WDR91: variants seen among roughly 807,000 people sequenced by gnomAD.
WDR91 encodes WD repeat domain 91.
Under a neutral mutation model 88.4 loss-of-function variants are expected in WDR91, and 52 were observed. The ratio of observed to expected loss-of-function variants is 0.59; its 90% CI spans 0.47 to 0.74. WDR91 has a LOEUF of 0.74. Ranked by LOEUF, WDR91 falls within the 30% of genes least tolerant of loss-of-function variation. The pLI is 0.00. For synonymous variants in WDR91, 362 were observed against 389.5 expected, an observed-to-expected ratio of 0.93 and a Z score of 0.83; for missense variants, 824 against 954.5, an observed-to-expected ratio of 0.86 and a Z score of 1.80.
intron 6 of WDR91, 115 bp downstream of exon 6, chr7:135,204,153 G>T: frequency 8.2e-7 from 1 of 1,222,534 alleles, no homozygotes; most frequent in Non-Finnish European, 1.1e-6. Context: ...ACATGCCCAA[G>T]AAATCAGTCC....
At chr7:135,210,788 A>G (rs1446694676) in intron 1 of WDR91, 1 of 703,720 alleles carries the variant, frequency 1.4e-6, no homozygotes. Context: ...CATTGAAGTC[A>G]GTACACACAA....
rs775486019 is a variant in WDR91 at position 135,208,951 on chromosome 7, C to A, written c.351G>T (p.Thr117=). The A allele has an allele frequency of 7.4e-6, 12 of 1,614,136 alleles. No individual in the cohort carries two copies. Among genetic ancestry groups the A allele is most frequent in the Non-Finnish European group, 9.3e-6 (11 of 1,180,016 alleles). The change falls in exon 3 of 15, where the codon ACG becomes ACT. Residue 117 remains threonine (T), a synonymous_variant. Coordinates refer to ENST00000354475, the MANE Select transcript of WDR91 (RefSeq NM_014149.4). ...TCCACTCAGCCTGGTTCTGGAGTTC[C>A]GTGGCCTGCTTTGCAAAGAACTCCT... The part of the protein sequence containing the change: ...KAQEFFAKQA[T]ELQNQAEWKD...
intron 1 of WDR91, chr7:135,210,785 G>A (rs1831986504): frequency 7.1e-6 from 5 of 703,648 alleles, no homozygotes; most frequent in African/African-American, 7.0e-5. Flanking sequence ...TCTCATTGAA[G>A]TCAGTACACA....
chr7:135,204,573 T>A, intron 5 of WDR91, 140 bp from the exon 6 acceptor site: 1 of 851,374 alleles, frequency 1.2e-6, no homozygotes, highest in Non-Finnish European at 1.8e-6. Context: ...AAGGTGGTAT[T>A]ATCCTTGGCA....
At chr7:135,204,506 G>C (rs572623696) in intron 5 of WDR91, 73 bp from the exon 6 acceptor site, 1 of 1,532,676 alleles carries the variant, frequency 6.5e-7, no homozygotes, top group Non-Finnish European at 8.9e-7. Context: ...TAGACCTCCC[G>C]GGCTATGGAT....
In WDR91 at chr7:135,196,423, G is replaced by T; in HGVS notation, c.1051-86C>A. 7.7e-7 allele frequency: 1 copy of T among 1,302,340 alleles called. No individual in the cohort carries two copies. The highest frequency in any genetic ancestry group is 1.0e-6 in the Non-Finnish European group (1 of 982,466). The allele number at this position is 1,302,340 out of a possible 1,614,324, so 80.7% of individuals were successfully genotyped here. A position where few individuals can be genotyped will look rare whatever the true frequency, so the allele number is the denominator to read the frequency against. ...ACCGCAGGGGGTCTAGGCCTAGGCT[G>T]CAGCATTTTGCGGGGTTCTCGGTAA... On this transcript the variant is annotated intron_variant, in intron 7 of 14. Transcript: ENST00000354475. This position sits in a 1 kb window ranked among gnomAD's most constrained non-coding sequence, Gnocchi z 4.2.
rs1320869990 is a variant in WDR91, at chr7:135,186,306, C to A, written c.2089G>T (p.Asp697Tyr). The change falls in exon 15 of 15, where the codon GAT (aspartate) becomes TAT (tyrosine). Residue 697 changes from aspartate (D) to tyrosine (Y), a missense_variant. By Grantham distance (160) the Asp-to-Tyr change is radical (BLOSUM62 -3). Transcript: ENST00000354475. ...TGGVIYKLGG[D>Y]EKVLESCLSL... ...AAGCAGCTCTCCAGAACCTTCTCAT[C>A]GCCACCCAGCTGCAAGAGGACAGGA... 2 of 1,611,604 alleles carry A rather than the reference C, an allele frequency of 1.2e-6. No homozygotes were observed. Among genetic ancestry groups the A allele is most frequent in the Non-Finnish European group, 1.7e-6 (2 of 1,179,068 alleles).
At position 135,187,179 on chromosome 7, in the gene WDR91, C is replaced by T. The variant is rs756890644; in HGVS notation, c.1882-10G>A. ...TGTTCCACTGGATGAACTGCAGTCA[C>T]AGGGCACAAGCAGGGTGCTCGCAGC... On this transcript the variant is annotated splice_polypyrimidine_tract_variant and intron_variant, in intron 13 of 14. Coordinates refer to ENST00000354475, the MANE Select transcript of WDR91 (RefSeq NM_014149.4). 3.1e-6 allele frequency: 5 copies of T among 1,613,870 alleles called. No homozygotes were observed. The highest frequency in any genetic ancestry group is 3.3e-5 in the Admixed American group (2 of 60,004).
At chr7:135,187,251 C>G (rs292558) in intron 13 of WDR91, 82 bp from the exon 14 acceptor site, 1,077,434 of 1,469,212 alleles carry the variant, frequency 0.73, 397,794 homozygotes, top group Admixed American at 0.85. Context: ...ACCCACCCCA[C>G]AGCAGAGGCT....
rs192694767 is a variant in WDR91 at position 135,205,300 on chromosome 7, C to T, written c.725+628G>A. Among the ~76,000 whole-genome samples, 256 of 152,354 alleles carry T rather than the reference C, an allele frequency of 1.7e-3. 2 individuals carry two copies. Among genetic ancestry groups the T allele is most frequent in the African/African-American group, 6.1e-3 (253 of 41,574 alleles). On this transcript the variant is annotated intron_variant, in intron 5 of 14. Coordinates refer to ENST00000354475, the MANE Select transcript of WDR91 (RefSeq NM_014149.4). ...GCTCCTTCCAATGCACAAAACCTTC[C>T]CAAGACTTTACCACAGTGGTTGCGT...
At chr7:135,195,193 A>T (rs1326965797) in intron 8 of WDR91, 109 bp from the exon 9 acceptor site, 4 of 1,200,688 alleles carry the variant, frequency 3.3e-6, no homozygotes, top group Non-Finnish European at 4.6e-6. Context: ...TTAAAAAAAC[A>T]ATCCCTAGAG....
At chr7:135,207,662 C>T (rs189129406) in intron 3 of WDR91, among the ~76,000 whole-genome samples, 2 of 152,312 alleles carry the variant, frequency 1.3e-5, no homozygotes, top group Non-Finnish European at 2.9e-5. Context: ...TTGAGCCTCT[C>T]CCTGGCAAAG....
intron 10 of WDR91, 35 bp downstream of exon 10, chr7:135,193,543 G>A (rs1831251186): frequency 6.2e-7 from 1 of 1,613,256 alleles, no homozygotes; most frequent in Non-Finnish European, 8.5e-7. Flanking sequence ...TTGGCAGCCT[G>A]CGGCCTTGAT....
intron 6 of WDR91, chr7:135,201,968 T>G (rs1018100344): frequency 6.6e-6 from 1 of 152,002 alleles, no homozygotes; most frequent in South Asian, 2.1e-4. Flanking sequence ...AATCATGCCA[T>G]AGGGACAAAC....
In WDR91 at chr7:135,196,530, C is replaced by G. The variant is rs181262851; in HGVS notation, c.1051-193G>C. Among the ~76,000 whole-genome samples, 250 of 152,292 alleles carry G rather than the reference C, an allele frequency of 1.6e-3. No homozygotes were observed. Among genetic ancestry groups the G allele is most frequent in the African/African-American group, 5.9e-3 (244 of 41,562 alleles). On this transcript the variant is annotated intron_variant, in intron 7 of 14. Coordinates refer to ENST00000354475, the MANE Select transcript of WDR91 (RefSeq NM_014149.4). This position sits in a 1 kb window ranked among gnomAD's most constrained non-coding sequence, Gnocchi z 4.2. Reference sequence around the variant, plus strand: ...GAGAGTGCAGGGCCTGCCCTCCTGACAGCCCCTTCCTGGAGACTTTGCTCC... The same window carrying G: ...GAGAGTGCAGGGCCTGCCCTCCTGAGAGCCCCTTCCTGGAGACTTTGCTCC...
intron 9 of WDR91, 26 bp downstream of exon 9, chr7:135,194,908 G>A (rs552715827): frequency 1.2e-5 from 20 of 1,612,156 alleles, no homozygotes; most frequent in Admixed American, 3.3e-5. Flanking sequence ...CCAGCAAAGC[G>A]GGCCCCACAG....
chr7:135,200,471 A>C (rs918299806), intron 6 of WDR91, among the ~76,000 whole-genome samples: 1 of 152,180 alleles, frequency 6.6e-6, no homozygotes, highest in African/African-American at 2.4e-5. Context: ...ACCCTTCTGG[A>C]AGCTTCTTCT....
chr7:135,196,211 CGG>C lies in WDR91; in HGVS notation c.1175_1176del (p.Pro392ArgfsTer87). ...TGTCCCAGCACAATAAAGGGCTGCT[CGG>C]GGCGGACTCCTCCACCCTCAGGGCC... ...SAGPEGGGVRPEQPFIVLGQE... is the reference protein window; with the variant it reads ...SAGPEGGGVRXEQPFIVLGQE... On this transcript the variant is annotated frameshift_variant, in exon 8 of 15. Transcript: ENST00000354475. LOFTEE classifies it high-confidence loss of function. This position sits in a 1 kb window ranked among gnomAD's most constrained non-coding sequence, Gnocchi z 4.2. The C allele has an allele frequency of 6.2e-7, 1 of 1,610,852 alleles. No homozygotes were observed. The highest frequency in any genetic ancestry group is 8.5e-7 in the Non-Finnish European group (1 of 1,178,296).
intron 11 of WDR91, among the ~76,000 whole-genome samples, chr7:135,192,112 T>G (rs1222508103): frequency 0.016 from 252 of 15,464 alleles, no homozygotes; most frequent in African/African-American, 0.022. Flanking sequence ...TGTTGTGTTT[T>G]TTTTTTTTTT....
Sources: allele counts gnomAD v4.1 joint callset (sites outside exome capture counted in the v4.1 genomes callset), GRCh38; gene constraint gnomAD v4.1.1; non-coding constraint Gnocchi (gnomAD v3.1); transcripts MANE v1.5; gene names NCBI Gene and HGNC (gene_info 2026-07-23, HGNC 2026-07-21).